Variants in DNAH8 observed in about 807,000 individuals in gnomAD.
DNAH8 encodes dynein axonemal heavy chain 8.
A neutral mutation model predicts 562.1 loss-of-function variants in DNAH8; 382 were observed. The observed-to-expected ratio is 0.68, with a 90% CI of 0.63 to 0.74. The LOEUF (loss-of-function observed/expected upper bound fraction) is 0.74. DNAH8 is among the 30% of genes least tolerant of loss of function. The pLI is 0.00. For missense variants in DNAH8, 5,203 were observed against 5,620.4 expected (o/e 0.93, Z 2.37); for synonymous variants, 1,881 against 1,919.4 (o/e 0.98, Z 0.52).
chr6:38,939,407 G>A (rs1382826270), intron 79 of DNAH8, among the ~76,000 whole-genome samples: 1 of 152,128 alleles, frequency 6.6e-6, no homozygotes, highest in Non-Finnish European at 1.5e-5. Context: ...CATGTTAAAG[G>A]TATAATTAAG....
At chr6:38,731,224 A>G (rs1763638201) in intron 4 of DNAH8, among the ~76,000 whole-genome samples, 1 of 152,242 alleles carries the variant, frequency 6.6e-6, no homozygotes, top group Admixed American at 6.5e-5. Context: ...AAAATTATAG[A>G]AAGATAAAAT....
chr6:38,842,837 A>G lies in DNAH8; in HGVS notation c.4779A>G (p.Glu1593=). Residue 1593 remains glutamate, a synonymous_variant, in exon 35 of 93, where the codon GAA becomes GAG. Transcript: ENST00000327475. ...TAACTGGAACCCCATTTGATGTGGAATCTGATTCTTTTTGCCTTAGAAATA... is the reference window on the plus strand; with the variant it reads ...TAACTGGAACCCCATTTGATGTGGAGTCTGATTCTTTTTGCCTTAGAAATA... ...SELTGTPFDV[E]SDSFCLRNIM... is the part of the protein sequence containing the mutation. 1 of 1,613,874 alleles carries G rather than the reference A, an allele frequency of 6.2e-7. No homozygotes were observed. The highest frequency in any genetic ancestry group is 8.5e-7 in the Non-Finnish European group (1 of 1,179,866).
rs752081424 is a variant in DNAH8 at position 38,923,048 on chromosome 6, A to G, written c.10663-10A>G. On this transcript the variant is annotated splice_polypyrimidine_tract_variant and intron_variant, in intron 71 of 92. Coordinates refer to ENST00000327475, the MANE Select transcript of DNAH8 (RefSeq NM_001206927.2). ...AAGTTTTTTGAGACATTCTCCCATT[A>G]TGGCTGCAGGATTTGCTTAATGACG... 3.1e-6 allele frequency: 5 copies of G among 1,609,866 alleles called. No individual in the cohort carries two copies. Among genetic ancestry groups the G allele is most frequent in the Non-Finnish European group, 8.5e-7 (1 of 1,178,516 alleles).
intron 5 of DNAH8, among the ~76,000 whole-genome samples, chr6:38,735,341 T>G (rs1763996193): frequency 6.6e-6 from 1 of 152,240 alleles, no homozygotes; most frequent in African/African-American, 2.4e-5. Context: ...CCTTTTCTGT[T>G]ATGATAAAAG....
At position 38,895,792 on chromosome 6, in the gene DNAH8, C is replaced by A. The variant is rs141488083; in HGVS notation, c.8748-241C>A. On this transcript the variant is annotated intron_variant, in intron 59 of 92. Transcript: ENST00000327475. ...GACCATCACTTCTGCTCTCCTATCGCAAGTTTTAGGGACCTTTGATCTCAC... is the reference window on the plus strand; with the variant it reads ...GACCATCACTTCTGCTCTCCTATCGAAAGTTTTAGGGACCTTTGATCTCAC... 2.1e-3 allele frequency among the ~76,000 whole-genome samples: 314 copies of A among 152,340 alleles called. 3 individuals are homozygous for A. The highest frequency in any genetic ancestry group is 6.8e-3 in the African/African-American group (283 of 41,566).
At chr6:38,857,015 T>C (rs1450941070) in intron 41 of DNAH8, among the ~76,000 whole-genome samples, 1 of 152,200 alleles carries the variant, frequency 6.6e-6, no homozygotes, top group Non-Finnish European at 1.5e-5. Context: ...CTTCTCATTT[T>C]CTGTCTCCCT....
In DNAH8 at chr6:38,909,510, A is replaced by G. The variant is rs1321613750; in HGVS notation, c.9514-8A>G. On this transcript the variant is annotated splice_region_variant and splice_polypyrimidine_tract_variant and intron_variant, in intron 64 of 92. Coordinates refer to ENST00000327475, the MANE Select transcript of DNAH8 (RefSeq NM_001206927.2). ...GTTTCTAATGTTTGTTGACTTTGCTATCAATAGGTTGGTGAGAAGTTCCGT... is the reference window on the plus strand; with the variant it reads ...GTTTCTAATGTTTGTTGACTTTGCTGTCAATAGGTTGGTGAGAAGTTCCGT... 7 of 1,613,712 alleles carry G rather than the reference A, an allele frequency of 4.3e-6. 1 individual carries two copies. The highest frequency in any genetic ancestry group is 1.7e-5 in the Admixed American group (1 of 60,002).
intron 68 of DNAH8, 122 bp downstream of exon 68, chr6:38,915,499 TG>T: frequency 1.2e-6 from 1 of 817,382 alleles, no homozygotes; most frequent in Non-Finnish European, 1.7e-6. Flanking sequence ...TCTCTGAGTC[TG>T]GAAACAAATG....
chr6:38,786,582 CATTT>C (rs1286419846), intron 17 of DNAH8, among the ~76,000 whole-genome samples, 179 bp from the exon 18 acceptor site: 3 of 152,230 alleles, frequency 2.0e-5, no homozygotes. Flanking sequence ...ACTCTTCATT[CATTT>C]ATCTTAGTTT....
At chr6:38,740,802 A>AAGGG (rs1366374391) in intron 7 of DNAH8, among the ~76,000 whole-genome samples, 1 of 152,040 alleles carries the variant, frequency 6.6e-6, no homozygotes, top group African/African-American at 2.4e-5. Flanking sequence ...TTCTGTGGAG[A>AAGGG]AGGGGTCTTG....
intron 56 of DNAH8, among the ~76,000 whole-genome samples, chr6:38,884,872 G>A (rs1029370220): frequency 2.9e-4 from 44 of 152,086 alleles, no homozygotes; most frequent in Admixed American, 2.0e-3. Flanking sequence ...AGACTTCACC[G>A]GTGTTGCCAG....
chr6:38,825,838 G>A lies in DNAH8; in HGVS notation c.3848-318G>A, dbSNP rs538123070. On this transcript the variant is annotated intron_variant, in intron 28 of 92. Coordinates refer to ENST00000327475, the MANE Select transcript of DNAH8 (RefSeq NM_001206927.2). ...TCGAGAAAAATGCGAGAATGAATGA[G>A]GGCCGCTAATGGGATGGTCAGAAGA... is the stretch of plus-strand genomic sequence containing the variant. Among the ~76,000 whole-genome samples, 9 of 152,266 alleles carry A rather than the reference G, an allele frequency of 5.9e-5. No homozygotes were observed. In the South Asian group the frequency reaches 1.9e-3, roughly 32 times the overall value.
At chr6:38,981,063 T>TGTGTA (rs1554152118) in intron 85 of DNAH8, among the ~76,000 whole-genome samples, 4 of 88,260 alleles carry the variant, frequency 4.5e-5, no homozygotes, top group Admixed American at 1.1e-4. Flanking sequence ...GTGTGTGTGT[T>TGTGTA]GAGTTGGGGA....
chr6:38,913,815 C>A, intron 66 of DNAH8, 34 bp from the exon 67 acceptor site: 1 of 1,461,432 alleles, frequency 6.8e-7, no homozygotes, highest in Non-Finnish European at 9.6e-7. Flanking sequence ...TATACCTGTA[C>A]TCAGTAAAGG....
In DNAH8 at chr6:38,882,880, T is replaced by C. The variant is rs769214541; in HGVS notation, c.7859-30T>C. On this transcript the variant is annotated intron_variant, in intron 53 of 92. Transcript: ENST00000327475. ...AGATAACTTTCACAGAATATGGTTC[T>C]ATTAAGATGAAATTTTACTTATTAT... is the stretch of plus-strand genomic sequence containing the variant. 7 of 1,470,918 alleles carry C rather than the reference T, an allele frequency of 4.8e-6. No individual in the cohort carries two copies. The African/African-American group carries it at 1.0e-4, about 21-fold the overall frequency. The allele number at this position is 1,470,918 out of a possible 1,614,324, so 91.1% of individuals were successfully genotyped here. A position where few individuals can be genotyped will look rare whatever the true frequency, so the allele number is the denominator to read the frequency against.
intron 64 of DNAH8, 42 bp downstream of exon 64, chr6:38,908,162 C>G: frequency 7.8e-7 from 1 of 1,276,346 alleles, no homozygotes; most frequent in Non-Finnish European, 1.1e-6. Flanking sequence ...GAAAGAGTTC[C>G]TTATTTAAAG....
Position 38,921,420 on chromosome 6 carries a change from G to T in DNAH8, c.10576G>T (p.Gly3526Trp). 3 of 1,613,798 alleles carry T rather than the reference G, an allele frequency of 1.9e-6. No homozygotes were observed. The highest frequency in any genetic ancestry group is 2.5e-6 in the Non-Finnish European group (3 of 1,179,866). ...GRLAVANAEL[G>W]KAQALLDEKQ... is the part of the protein sequence containing the mutation. Reference sequence around the variant, plus strand: ...GTTAGCAGTTGCTAATGCTGAGTTAGGGAAGGCACAAGCCCTGCTGGATGA... The same window carrying T: ...GTTAGCAGTTGCTAATGCTGAGTTATGGAAGGCACAAGCCCTGCTGGATGA... The change falls in exon 71 of 93, where the codon GGG (glycine) becomes TGG (tryptophan). Residue 3526 changes from glycine to tryptophan, a missense_variant. By Grantham distance (184) the Gly-to-Trp change is radical. Transcript: ENST00000327475.
intron 76 of DNAH8, among the ~76,000 whole-genome samples, chr6:38,933,823 T>TTGAA (rs150405513): frequency 0.014 from 2,096 of 152,316 alleles, 46 homozygotes; most frequent in African/African-American, 0.048. Flanking sequence ...ATACCCTTGT[T>TTGAA]ATTCAGAGTT....
At chr6:38,929,791 G>A (rs1181550253) in intron 75 of DNAH8, 125 bp downstream of exon 75, 4 of 850,704 alleles carry the variant, frequency 4.7e-6, no homozygotes, top group Non-Finnish European at 6.6e-6. Flanking sequence ...ATTGAGCATA[G>A]CAGCAAATGC....
Sources: gnomAD v4.1 joint callset for allele counts (sites outside exome capture counted in the v4.1 genomes callset) on GRCh38, gnomAD v4.1.1 for gene constraint, MANE v1.5 for transcripts, NCBI Gene and HGNC (gene_info 2026-07-23, HGNC 2026-07-21) for gene names.